RAB35: variants seen among roughly 807,000 people sequenced by gnomAD.
The protein encoded by RAB35 is RAB35, member RAS oncogene family, also known as ras-related protein Rab-35.
RAB35 carries 4 observed loss-of-function variants against 28.9 expected under a neutral mutation model. The observed-to-expected ratio is 0.14, with a 90% CI of 0.07 to 0.32. The LOEUF is 0.32. RAB35 is among the 10% of genes least tolerant of loss of function. The pLI, the probability that RAB35 is intolerant of heterozygous loss-of-function variation, is 1.00. For synonymous variants in RAB35, 99 were observed against 105.1 expected (o/e 0.94, Z 0.35); for missense variants, 128 against 274.0 (o/e 0.47, Z 3.76).
At position 120,116,533 on chromosome 12, in the gene RAB35, G is replaced by GC. The variant is rs551137632; in HGVS notation, c.52+65dup. The GC allele has an allele frequency of 3.0e-3, 2,809 of 936,592 alleles. 18 individuals are homozygous for GC. The highest frequency in any genetic ancestry group is 0.024 in the East Asian group (212 of 8,896). The allele number at this position is 936,592 out of a possible 1,614,324, so 58.0% of individuals were successfully genotyped here. The stretch of plus-strand genomic sequence containing the variant: ...GCCGGCACCTCCCCGCCCGCCTGCC[G>GC]CCCCGAGGCCCCCGCGGGCCGCGCC... On this transcript the variant is annotated intron_variant, in intron 1 of 5. Transcript: ENST00000229340.
At chr12:120,108,782 A>G in intron 1 of RAB35, 4 of 518,150 alleles carry the variant, frequency 7.7e-6, no homozygotes, top group South Asian at 6.5e-5. Flanking sequence ...CAGACGACAA[A>G]GCAGAATGAA....
In RAB35 at chr12:120,103,981, C is replaced by G. The variant is rs112874870; in HGVS notation, c.104-32G>C. On this transcript the variant is annotated intron_variant, in intron 2 of 5. Transcript: ENST00000229340. This position sits in a 1 kb window ranked among gnomAD's most constrained non-coding sequence, Gnocchi z 6.1. ...ACACAGGGCAGTTAACGAGGCCCAG[C>G]GCGGTATCTTCCCAGGCCCTGAGCC... 1 of 1,610,896 alleles carries G rather than the reference C, an allele frequency of 6.2e-7. No individual in the cohort carries two copies. Among genetic ancestry groups the G allele is most frequent in the Non-Finnish European group, 8.5e-7 (1 of 1,178,492 alleles).
Position 120,108,486 on chromosome 12 carries a change from T to G in RAB35, c.53-19A>C. 3 of 1,612,878 alleles carry G rather than the reference T, an allele frequency of 1.9e-6. No homozygotes were observed. Among genetic ancestry groups the G allele is most frequent in the Non-Finnish European group, 2.5e-6 (3 of 1,178,952 alleles). On this transcript the variant is annotated intron_variant, in intron 1 of 5. Coordinates refer to ENST00000229340, the MANE Select transcript of RAB35 (RefSeq NM_006861.7). ...CCCACACCTGCAAGAGAGAAAGCAC[T>G]GCGATGAGGGGGGCAGGTGGGTCCC...
At chr12:120,111,207 C>G (rs1251876809) in intron 1 of RAB35, among the ~76,000 whole-genome samples, 1 of 152,252 alleles carries the variant, frequency 6.6e-6, no homozygotes, top group Non-Finnish European at 1.5e-5. Context: ...TGCAGCACAG[C>G]AGGCGCCTAA....
At chr12:120,106,206 G>A (rs2139055568) in intron 2 of RAB35, among the ~76,000 whole-genome samples, 1 of 152,288 alleles carries the variant, frequency 6.6e-6, no homozygotes, top group Non-Finnish European at 1.5e-5. Flanking sequence ...GATGGGGAGG[G>A]AGGAGGCCAT....
chr12:120,099,081 G>T lies in RAB35; in HGVS notation c.301C>A (p.Arg101=). 2 of 1,612,426 alleles carry T rather than the reference G, an allele frequency of 1.2e-6. No homozygotes were observed. Among genetic ancestry groups the T allele is most frequent in the Non-Finnish European group, 1.7e-6 (2 of 1,179,116 alleles). ...TTCTGGTTGATTTCGTGAAGCCACC[G>T]CTTGACGTTGACAAAGGACTCGGCA... ...TSAESFVNVK[R]WLHEINQNCD... The change falls in exon 4 of 6, where the codon CGG becomes AGG. Residue 101 remains arginine (R), a synonymous_variant. Transcript: ENST00000229340.
intron 3 of RAB35, chr12:120,099,466 A>G: frequency 2.4e-6 from 1 of 424,132 alleles, no homozygotes; most frequent in Non-Finnish European, 4.3e-6. Flanking sequence ...AACATCTTTG[A>G]AGTTCTTGCT....
intron 2 of RAB35, among the ~76,000 whole-genome samples, chr12:120,106,166 C>A (rs1875864576): frequency 6.6e-6 from 1 of 152,134 alleles, no homozygotes; most frequent in African/African-American, 2.4e-5. Context: ...ATTGCAACAA[C>A]AAGCCCTCCA....
chr12:120,105,834 G>A (rs1042184466), intron 2 of RAB35, among the ~76,000 whole-genome samples: 1 of 150,486 alleles, frequency 6.6e-6, no homozygotes, highest in South Asian at 2.1e-4. Flanking sequence ...GGAGAATGGC[G>A]TGAACCCGGG....
At position 120,096,728 on chromosome 12, in the gene RAB35, G is replaced by A. The variant is rs1168381844; in HGVS notation, c.*517C>T. The A allele has an allele frequency of 1.6e-6, 2 of 1,289,984 alleles. No homozygotes were observed. The highest frequency in any genetic ancestry group is 5.5e-5 in the East Asian group (1 of 18,040). The allele number at this position is 1,289,984 out of a possible 1,614,324, so 79.9% of individuals were successfully genotyped here. ...GAAGGGGCAAGACCCTGTGCAGCGGGGACAGAGGCTGACAACCTGTCGGAG... is the reference window on the plus strand; with the variant it reads ...GAAGGGGCAAGACCCTGTGCAGCGGAGACAGAGGCTGACAACCTGTCGGAG... On this transcript the variant is annotated 3_prime_UTR_variant, in exon 6 of 6. Transcript: ENST00000229340.
rs767739106 is a variant in RAB35 at position 120,095,152 on chromosome 12, A to ACTT, written c.*2090_*2092dup. On this transcript the variant is annotated 3_prime_UTR_variant, in exon 6 of 6. Coordinates refer to ENST00000229340, the MANE Select transcript of RAB35 (RefSeq NM_006861.7). Reference sequence around the variant, plus strand: ...ATTTTTTTAAAAAGCATAATTAGAAACTTTCAATACAGAAATACTCCTAGC... The same window carrying ACTT: ...ATTTTTTTAAAAAGCATAATTAGAAACTTCTTTCAATACAGAAATACTCCTAGC... 1 of 152,372 alleles carries ACTT rather than the reference A, an allele frequency of 6.6e-6. No individual in the cohort carries two copies. The highest frequency in any genetic ancestry group is 1.5e-5 in the Non-Finnish European group (1 of 68,032). 9.4% of individuals were successfully genotyped at this position (152,372 alleles called of 1,614,324 possible).
At chr12:120,102,783 C>T (rs1250664054) in intron 3 of RAB35, among the ~76,000 whole-genome samples, 7 of 152,184 alleles carry the variant, frequency 4.6e-5, no homozygotes, top group African/African-American at 1.4e-4. Flanking sequence ...GGAAGGGGGC[C>T]GCTGGCTGGG....
intron 1 of RAB35, among the ~76,000 whole-genome samples, chr12:120,109,380 G>A (rs747481658): frequency 8.5e-5 from 13 of 152,192 alleles, no homozygotes; most frequent in Non-Finnish European, 1.5e-4. Context: ...TTGAACCCGG[G>A]AGGCGGAGGT....
intron 3 of RAB35, among the ~76,000 whole-genome samples, chr12:120,101,047 T>C (rs1296944410): frequency 5.3e-5 from 8 of 152,166 alleles, no homozygotes; most frequent in Non-Finnish European, 8.8e-5. Flanking sequence ...CTCTGCCTCA[T>C]CCGGGGCCCA....
intron 1 of RAB35, among the ~76,000 whole-genome samples, chr12:120,111,813 C>A (rs1321287097): frequency 6.6e-6 from 1 of 152,254 alleles, no homozygotes; most frequent in East Asian, 1.9e-4. Flanking sequence ...GAAACACTAC[C>A]TCCTAAATAT....
At chr12:120,106,157 T>C (rs766742342) in intron 2 of RAB35, among the ~76,000 whole-genome samples, 12 of 151,948 alleles carry the variant, frequency 7.9e-5, no homozygotes, top group Admixed American at 1.3e-4. Flanking sequence ...TGGGAAGAGA[T>C]TGCAACAACA....
At position 120,103,962 on chromosome 12, in the gene RAB35, G is replaced by A; in HGVS notation, c.104-13C>T. ...GTGATGTAGCTGCCTGCACACACAGGGCAGTTAACGAGGCCCAGCGCGGTA... is the reference window on the plus strand; with the variant it reads ...GTGATGTAGCTGCCTGCACACACAGAGCAGTTAACGAGGCCCAGCGCGGTA... On this transcript the variant is annotated splice_polypyrimidine_tract_variant and intron_variant, in intron 2 of 5. Coordinates refer to ENST00000229340, the MANE Select transcript of RAB35 (RefSeq NM_006861.7). The surrounding 1 kb of genome is among the most constrained non-coding windows in gnomAD (Gnocchi z 6.1). 6.2e-7 allele frequency: 1 copy of A among 1,613,594 alleles called. No homozygotes were observed. The highest frequency in any genetic ancestry group is 8.5e-7 in the Non-Finnish European group (1 of 1,179,832).
intron 3 of RAB35, among the ~76,000 whole-genome samples, chr12:120,101,222 G>A (rs900456548): frequency 1.3e-5 from 2 of 152,210 alleles, no homozygotes; most frequent in Non-Finnish European, 2.9e-5. Context: ...TGGGGGCTTG[G>A]TATCCATTAC....
intron 1 of RAB35, among the ~76,000 whole-genome samples, chr12:120,111,983 CTTT>C (rs1161634088): frequency 7.1e-6 from 1 of 141,036 alleles, no homozygotes; most frequent in Admixed American, 7.2e-5. Flanking sequence ...GCCTGTCATT[CTTT>C]TTTTTTTTTT....
Sources: allele counts gnomAD v4.1 joint callset (sites outside exome capture counted in the v4.1 genomes callset), GRCh38; gene constraint gnomAD v4.1.1; non-coding constraint Gnocchi (gnomAD v3.1); transcripts MANE v1.5; gene names NCBI Gene and HGNC (gene_info 2026-07-23, HGNC 2026-07-21).